Variants in ADGRL1 observed in about 807,000 individuals in gnomAD.
ADGRL1 encodes CIRL-1.
A neutral mutation model predicts 148.9 loss-of-function variants in ADGRL1; 31 were observed. The ratio of observed to expected loss-of-function variants is 0.21; its 90% confidence interval spans 0.16 to 0.28. ADGRL1 has a LOEUF of 0.28. ADGRL1 is among the 10% of genes least tolerant of loss of function. The pLI, the probability that ADGRL1 is intolerant of heterozygous loss-of-function variation, is 1.00. For missense variants in ADGRL1, 1,521 were observed against 2,058.8 expected (o/e 0.74, Z 5.05); for synonymous variants, 937 against 900.3 (o/e 1.04, Z -0.73).
In ADGRL1 at chr19:14,158,575, G is replaced by A. The variant is rs769375786; in HGVS notation, c.2150-23C>T. The A allele has an allele frequency of 1.9e-6, 3 of 1,589,708 alleles. No individual in the cohort carries two copies. The South Asian group carries it at 3.3e-5, about 18-fold the overall frequency. On this transcript the variant is annotated intron_variant, in intron 11 of 22. Coordinates refer to ENST00000361434, the MANE Select transcript of ADGRL1 (RefSeq NM_014921.5). ...CCCCTGGTGAGAACAGGCACGTTTG[G>A]ATGTGTCAGCATCCTCAGCTGGCGC... is the stretch of plus-strand genomic sequence containing the variant.
chr19:14,171,584 T>C (rs1970475588), intron 3 of ADGRL1, among the ~76,000 whole-genome samples: 1 of 152,220 alleles, frequency 6.6e-6, no homozygotes, highest in South Asian at 2.1e-4. Flanking sequence ...GCCATGCACG[T>C]GAGGTGGTGT....
At chr19:14,205,288 C>A (rs1972912735) in intron 1 of ADGRL1, among the ~76,000 whole-genome samples, 1 of 152,006 alleles carries the variant, frequency 6.6e-6, no homozygotes, top group South Asian at 2.1e-4. Flanking sequence ...ACGAATAATC[C>A]GAGTGGATCA....
rs575382562 is a variant in ADGRL1, at chr19:14,157,584, A to G, written c.2536-124T>C. Reference sequence around the variant, plus strand: ...GCCGTGAGGACCTCTGGTGCCGCCAACCTGGCAGCCCTCACCCCTCTGCAC... The same window carrying G: ...GCCGTGAGGACCTCTGGTGCCGCCAGCCTGGCAGCCCTCACCCCTCTGCAC... On this transcript the variant is annotated intron_variant, in intron 13 of 22. Transcript: ENST00000361434. This position sits in a 1 kb window ranked among gnomAD's most constrained non-coding sequence, Gnocchi z 7.5. The G allele has an allele frequency of 2.9e-4, 278 of 950,938 alleles. 1 individual carries two copies. The highest frequency in any genetic ancestry group is 8.8e-4 in the Admixed American group (40 of 45,240). 58.9% of individuals were successfully genotyped at this position (950,938 alleles called of 1,614,324 possible).
rs746761661 is a variant in ADGRL1 at position 14,152,920 on chromosome 19, G to A, written c.3295-8C>T. 2.8e-5 allele frequency: 45 copies of A among 1,613,300 alleles called. No homozygotes were observed. In the Middle Eastern group the frequency reaches 6.6e-4, roughly 24 times the overall value. Reference sequence around the variant, plus strand: ...GCTGTACTCCTTGTGCACCTGGGAGGTGGAGGACAGTCAGCTGGCTGGGAC... The same window carrying A: ...GCTGTACTCCTTGTGCACCTGGGAGATGGAGGACAGTCAGCTGGCTGGGAC... On this transcript the variant is annotated splice_polypyrimidine_tract_variant and splice_region_variant and intron_variant, in intron 18 of 22. Transcript: ENST00000361434. This position sits in a 1 kb window ranked among gnomAD's most constrained non-coding sequence, Gnocchi z 6.1.
chr19:14,199,389 G>C (rs1429083467), intron 1 of ADGRL1, among the ~76,000 whole-genome samples: 1 of 152,014 alleles, frequency 6.6e-6, no homozygotes, highest in East Asian at 1.9e-4. Flanking sequence ...GCCAGGAAAA[G>C]TGGCTATGAG....
intron 4 of ADGRL1, 23 bp downstream of exon 4, chr19:14,170,659 G>T (rs374651015): frequency 1.4e-6 from 2 of 1,460,362 alleles, no homozygotes; most frequent in Non-Finnish European, 9.6e-7. Context: ...GCCCGCATCC[G>T]CACAAGGAAC....
chr19:14,160,449 C>T lies in ADGRL1; in HGVS notation c.1614+144G>A, dbSNP rs896987110. On this transcript the variant is annotated intron_variant, in intron 7 of 22. Coordinates refer to ENST00000361434, the MANE Select transcript of ADGRL1 (RefSeq NM_014921.5). The surrounding 1 kb of genome is among the most constrained non-coding windows in gnomAD (Gnocchi z 5.9). ...TTCCCACCCCATCTGTCCCTGCTCCCTTTGTAGGCCAGGGAGGTGACCCCA... is the reference window on the plus strand; with the variant it reads ...TTCCCACCCCATCTGTCCCTGCTCCTTTTGTAGGCCAGGGAGGTGACCCCA... 4 of 923,690 alleles carry T rather than the reference C, an allele frequency of 4.3e-6. No homozygotes were observed. The highest frequency in any genetic ancestry group is 1.7e-5 in the African/African-American group (1 of 59,688). The allele number at this position is 923,690 out of a possible 1,614,324, so 57.2% of individuals were successfully genotyped here.
At chr19:14,201,769 G>C (rs1469088511) in intron 1 of ADGRL1, among the ~76,000 whole-genome samples, 1 of 152,076 alleles carries the variant, frequency 6.6e-6, no homozygotes, top group Admixed American at 6.6e-5. Flanking sequence ...GTTGACACCT[G>C]GGATTCCCAA....
rs758784524 is a variant in ADGRL1 at position 14,170,797 on chromosome 19, G to T, written c.285-6C>A. 3 of 1,458,816 alleles carry T rather than the reference G, an allele frequency of 2.1e-6. No individual in the cohort carries two copies. Among genetic ancestry groups the T allele is most frequent in the Non-Finnish European group, 1.9e-6 (2 of 1,041,652 alleles). The allele number at this position is 1,458,816 out of a possible 1,614,324, so 90.4% of individuals were successfully genotyped here. On this transcript the variant is annotated splice_polypyrimidine_tract_variant and splice_region_variant and intron_variant, in intron 3 of 22. Coordinates refer to ENST00000361434, the MANE Select transcript of ADGRL1 (RefSeq NM_014921.5). ...ACTGGGTGCGGTTGTTACACCTTCA[G>T]AGGAGAAACAGGGCATTGGGAAAGA...
intron 1 of ADGRL1, among the ~76,000 whole-genome samples, chr19:14,198,849 A>C (rs1786326373): frequency 6.7e-6 from 1 of 149,698 alleles, no homozygotes. Flanking sequence ...CTGACTTGCA[A>C]CTCTGTTGCG....
rs534030381 is a variant in ADGRL1, at chr19:14,158,674, C to T, written c.2150-122G>A. ...TTGGCCACGCTGGCCACTGGGACCTCTGAAGCCAGTCCATAGCCCAGGCAG... is the reference window on the plus strand; with the variant it reads ...TTGGCCACGCTGGCCACTGGGACCTTTGAAGCCAGTCCATAGCCCAGGCAG... On this transcript the variant is annotated intron_variant, in intron 11 of 22. Transcript: ENST00000361434. 38 of 752,544 alleles carry T rather than the reference C, an allele frequency of 5.0e-5. No homozygotes were observed. The South Asian group carries it at 6.3e-4, about 12-fold the overall frequency. 46.6% of individuals were successfully genotyped at this position (752,544 alleles called of 1,614,324 possible).
intron 4 of ADGRL1, chr19:14,164,586 GCCC>G (rs913543083): frequency 2.6e-5 from 4 of 151,792 alleles, no homozygotes; most frequent in Non-Finnish European, 5.9e-5. Context: ...CCCCAGCCAG[GCCC>G]CCCACCTCCC....
chr19:14,189,086 C>T (rs1357024130), intron 1 of ADGRL1, among the ~76,000 whole-genome samples: 1 of 152,142 alleles, frequency 6.6e-6, no homozygotes, highest in Non-Finnish European at 1.5e-5. Context: ...ATAGAAACTC[C>T]GTACCCACTA....
At chr19:14,202,838 AAC>A (rs985821111) in intron 1 of ADGRL1, among the ~76,000 whole-genome samples, 1 of 151,542 alleles carries the variant, frequency 6.6e-6, no homozygotes, top group Non-Finnish European at 1.5e-5. Flanking sequence ...GCAAAACACA[AAC>A]ACCAGCACAG....
At position 14,160,652 on chromosome 19, in the gene ADGRL1, G is replaced by A. The variant is rs1303332998; in HGVS notation, c.1555C>T (p.Pro519Ser). Residue 519 changes from proline to serine, a missense_variant, in exon 7 of 23, where the codon CCC becomes TCC. This residue lies in a region of ADGRL1 where 270 missense variants were observed against 320.4 expected (regional missense o/e 0.84). Transcript: ENST00000361434. This position sits in a 1 kb window ranked among gnomAD's most constrained non-coding sequence, Gnocchi z 5.9. The stretch of plus-strand genomic sequence containing the variant: ...CAGTTGCTGAGGTCAGGGCCCCGGG[G>A]GTTCCAGAGCCCCAAGGCTGGTAGA... ...QCLPALGLWN[P>S]RGPDLSNCTS... 6.2e-7 allele frequency: 1 copy of A among 1,613,114 alleles called. No homozygotes were observed. Among genetic ancestry groups the A allele is most frequent in the Non-Finnish European group, 8.5e-7 (1 of 1,179,824 alleles).
intron 1 of ADGRL1, among the ~76,000 whole-genome samples, chr19:14,186,871 T>G (rs1971603303): frequency 6.6e-6 from 1 of 152,192 alleles, no homozygotes; most frequent in South Asian, 2.1e-4. Flanking sequence ...TGTTCAGGGC[T>G]CAGCCGCAAG....
chr19:14,157,610 G>T lies in ADGRL1; in HGVS notation c.2536-150C>A. 1.3e-6 allele frequency: 1 copy of T among 786,468 alleles called. No individual in the cohort carries two copies. The highest frequency in any genetic ancestry group is 2.0e-6 in the Non-Finnish European group (1 of 493,182). 48.7% of individuals were successfully genotyped at this position (786,468 alleles called of 1,614,324 possible). ...CCTGGCAGCCCTCACCCCTCTGCAC[G>T]CAGCAATGCGCTCACTTCCTCATGC... On this transcript the variant is annotated intron_variant, in intron 13 of 22. Coordinates refer to ENST00000361434, the MANE Select transcript of ADGRL1 (RefSeq NM_014921.5). The surrounding 1 kb of genome is among the most constrained non-coding windows in gnomAD (Gnocchi z 7.5).
chr19:14,156,965 C>T lies in ADGRL1; in HGVS notation c.2926G>A (p.Ala976Thr), dbSNP rs1476249887. 6 of 1,613,042 alleles carry T rather than the reference C, an allele frequency of 3.7e-6. No individual in the cohort carries two copies. The highest frequency in any genetic ancestry group is 1.7e-5 in the Admixed American group (1 of 59,928). ...YCFPALVVGI[A>T]AAIDYRSYGT... ...TAGCTGCGGTAGTCAATGGCAGCCG[C>T]GATGCCCACCACCAGGGCCGGGAAG... is the stretch of plus-strand genomic sequence containing the variant. The change falls in exon 15 of 23, where the codon GCG (alanine) becomes ACG (threonine). Residue 976 changes from alanine (A) to threonine (T), a missense_variant. Coordinates refer to ENST00000361434, the MANE Select transcript of ADGRL1 (RefSeq NM_014921.5).
chr19:14,159,096 G>C lies in ADGRL1; in HGVS notation c.2143C>G (p.Arg715Gly). ...CCCCGCCGGGGACACTGACCATTGC[G>C]GCTGTTCTGCTTGATGGTTTTGGCA... The part of the protein sequence containing the change: ...LSAKTIKQNS[R>G]NGVVKVVFIL... Residue 715 changes from arginine to glycine, a missense_variant, in exon 11 of 23, where the codon CGC (arginine) becomes GGC (glycine). Physicochemically the swap from Arg to Gly is moderately radical, Grantham distance 125. Around this residue, in one of 8 missense-constraint regions of ADGRL1, gnomAD observed 265 missense variants for 431.9 expected, o/e 0.61. Coordinates refer to ENST00000361434, the MANE Select transcript of ADGRL1 (RefSeq NM_014921.5). This position sits in a 1 kb window ranked among gnomAD's most constrained non-coding sequence, Gnocchi z 6.0. 6.2e-7 allele frequency: 1 copy of C among 1,613,906 alleles called. No individual in the cohort carries two copies. Among genetic ancestry groups the C allele is most frequent in the Non-Finnish European group, 8.5e-7 (1 of 1,180,010 alleles).
Sources: allele counts gnomAD v4.1 joint callset (sites outside exome capture counted in the v4.1 genomes callset), GRCh38; gene constraint gnomAD v4.1.1; regional missense constraint gnomAD v4.1.1; non-coding constraint Gnocchi (gnomAD v3.1); transcripts MANE v1.5; gene names NCBI Gene and HGNC (gene_info 2026-07-23, HGNC 2026-07-21).